Variants in ATP6V1H observed in about 807,000 individuals in gnomAD.
ATP6V1H encodes ATPase H+ transporting V1 subunit H.
A neutral mutation model predicts 71.7 loss-of-function variants in ATP6V1H; 39 were observed. That is an observed-to-expected ratio of 0.54 (90% CI 0.42 to 0.71). ATP6V1H has a LOEUF of 0.71. ATP6V1H is among the 30% of genes least tolerant of loss of function. The probability of loss-of-function intolerance (pLI) is 0.00; values close to 1 mark genes in which losing one functional copy is unlikely to be tolerated. For synonymous variants in ATP6V1H, 192 were observed against 199.3 expected (o/e 0.96, Z 0.31); for missense variants, 509 against 594.9 (o/e 0.86, Z 1.50).
At chr8:53,841,757 A>T in intron 1 of ATP6V1H, 32 bp from the exon 2 acceptor site, 2 of 1,571,856 alleles carry the variant, frequency 1.3e-6, no homozygotes, top group Non-Finnish European at 1.7e-6. Flanking sequence ...AAAACAGAAT[A>T]CGAGGTGTTT....
intron 9 of ATP6V1H, among the ~76,000 whole-genome samples, chr8:53,786,658 C>T (rs1809395272): frequency 6.6e-6 from 1 of 152,230 alleles, no homozygotes; most frequent in Non-Finnish European, 1.5e-5. Flanking sequence ...ATTGAGCCAT[C>T]TTGGCTCCAC....
At chr8:53,833,378 G>A (rs1346379742) in intron 2 of ATP6V1H, among the ~76,000 whole-genome samples, 2 of 152,132 alleles carry the variant, frequency 1.3e-5, no homozygotes, top group Non-Finnish European at 2.9e-5. Context: ...TTAGTAGCAT[G>A]TGGCAAATGG....
intron 9 of ATP6V1H, among the ~76,000 whole-genome samples, chr8:53,775,658 T>A (rs926565643): frequency 1.1e-4 from 14 of 131,958 alleles, no homozygotes; most frequent in Admixed American, 1.5e-4. Flanking sequence ...TTTACAAACC[T>A]TGAGCTAGAC....
Position 53,841,669 on chromosome 8 carries a change from C to A in ATP6V1H, c.22G>T (p.Gly8Cys). The change falls in exon 2 of 14, where the codon GGT becomes TGT. Residue 8 changes from glycine (G) to cysteine (C), a missense_variant. Physicochemically the swap from Gly to Cys is radical, Grantham distance 159. Coordinates refer to ENST00000359530, the MANE Select transcript of ATP6V1H (RefSeq NM_015941.4). Reference sequence around the variant, plus strand: ...GTGGGGACAGCAGCATCCACAGCACCTCGGATATCCATTTTGGTCATCTAA... The same window carrying A: ...GTGGGGACAGCAGCATCCACAGCACATCGGATATCCATTTTGGTCATCTAA... MTKMDIR[G>C]AVDAAVPTNI... 1 of 1,613,870 alleles carries A rather than the reference C, an allele frequency of 6.2e-7. No homozygotes were observed. The highest frequency in any genetic ancestry group is 8.5e-7 in the Non-Finnish European group (1 of 1,179,836).
chr8:53,819,425 C>T (rs1480732105), intron 4 of ATP6V1H, among the ~76,000 whole-genome samples: 2 of 147,922 alleles, frequency 1.4e-5, no homozygotes, highest in South Asian at 2.1e-4. Flanking sequence ...TCAGCTACTT[C>T]GGAAGCTGAG....
intron 9 of ATP6V1H, among the ~76,000 whole-genome samples, chr8:53,772,909 A>C (rs1468005801): frequency 6.6e-6 from 1 of 150,524 alleles, no homozygotes; most frequent in Non-Finnish European, 1.5e-5. Context: ...AATGCAAAAA[A>C]AAAAAAAAAA....
chr8:53,792,205 A>G (rs1047216110), intron 9 of ATP6V1H, among the ~76,000 whole-genome samples: 1 of 152,222 alleles, frequency 6.6e-6, no homozygotes, highest in Non-Finnish European at 1.5e-5. Context: ...GGAGAGAAGT[A>G]AGGAGGCTCC....
rs180675097 is a variant in ATP6V1H, at chr8:53,721,259, T to C, written c.1392-5235A>G. 2.3e-3 allele frequency among the ~76,000 whole-genome samples: 346 copies of C among 152,322 alleles called. 2 individuals carry two copies. The highest frequency in any genetic ancestry group is 8.1e-3 in the African/African-American group (335 of 41,584). On this transcript the variant is annotated intron_variant, in intron 13 of 13. Transcript: ENST00000359530. ...CATGATTTTGAACTCAAAGCAAACT[T>C]TGTTTTTATGAACTGAAAAAAAACA... is the stretch of plus-strand genomic sequence containing the variant.
chr8:53,776,676 C>A (rs4737192), intron 9 of ATP6V1H, among the ~76,000 whole-genome samples: 26,133 of 152,020 alleles, frequency 0.17, 3,698 homozygotes, highest in African/African-American at 0.37. Flanking sequence ...ATTAATAAGC[C>A]TATGAAGAAA....
At chr8:53,842,712 A>G (rs565832530) in intron 1 of ATP6V1H, 1 of 152,208 alleles carries the variant, frequency 6.6e-6, no homozygotes, top group Non-Finnish European at 1.5e-5. Context: ...GTCTCTAGAC[A>G]ATTACCTAAG....
intron 10 of ATP6V1H, among the ~76,000 whole-genome samples, chr8:53,771,745 T>C (rs568956435): frequency 3.9e-5 from 6 of 152,040 alleles, no homozygotes; most frequent in African/African-American, 1.4e-4. Flanking sequence ...CCTGAGGGAG[T>C]AAAGCCGGTC....
chr8:53,762,982 T>C (rs1354407462), intron 11 of ATP6V1H, among the ~76,000 whole-genome samples: 3 of 152,252 alleles, frequency 2.0e-5, no homozygotes, highest in Non-Finnish European at 2.9e-5. Flanking sequence ...CTCTTTCTTA[T>C]GATTTTCTTA....
Position 53,841,721 on chromosome 8 carries a change from C to G in ATP6V1H, c.-31G>C, listed in dbSNP as rs139361235. 3.6e-4 allele frequency: 584 copies of G among 1,606,410 alleles called. 4 individuals carry two copies. In the African/African-American group the frequency reaches 6.8e-3, roughly 19 times the overall value. ...CTTCGTAATCTTGAATGTCTTTCAACAAATCTTCAATTTTGATGCAAGGTA... is the reference window on the plus strand; with the variant it reads ...CTTCGTAATCTTGAATGTCTTTCAAGAAATCTTCAATTTTGATGCAAGGTA... On this transcript the variant is annotated 5_prime_UTR_variant, in exon 2 of 14. Transcript: ENST00000359530.
At chr8:53,786,428 C>T (rs2130382693) in intron 9 of ATP6V1H, among the ~76,000 whole-genome samples, 1 of 152,310 alleles carries the variant, frequency 6.6e-6, no homozygotes, top group South Asian at 2.1e-4. Context: ...TTTCCAGGTG[C>T]CGTCTGTCAC....
intron 12 of ATP6V1H, among the ~76,000 whole-genome samples, chr8:53,744,547 C>T (rs936773652): frequency 1.3e-5 from 2 of 152,142 alleles, no homozygotes; most frequent in South Asian, 2.1e-4. Context: ...CAGTGACAAG[C>T]GGCACCTTAA....
At chr8:53,790,788 G>A (rs1563468498) in intron 9 of ATP6V1H, among the ~76,000 whole-genome samples, 5 of 152,156 alleles carry the variant, frequency 3.3e-5, no homozygotes, top group South Asian at 2.1e-4. Context: ...AGTGCCTATC[G>A]TAATTCATCC....
At chr8:53,807,560 T>G (rs1206039767) in intron 7 of ATP6V1H, among the ~76,000 whole-genome samples, 1 of 152,104 alleles carries the variant, frequency 6.6e-6, no homozygotes, top group African/African-American at 2.4e-5. Context: ...CAGAAGACCA[T>G]GTATGATTTC....
intron 13 of ATP6V1H, among the ~76,000 whole-genome samples, chr8:53,719,335 T>C (rs1046096116): frequency 6.6e-6 from 1 of 152,016 alleles, no homozygotes; most frequent in Non-Finnish European, 1.5e-5. Context: ...CACGCTCGGC[T>C]AATTTTTGTA....
At chr8:53,767,689 A>G (rs1295335907) in intron 11 of ATP6V1H, among the ~76,000 whole-genome samples, 2 of 152,218 alleles carry the variant, frequency 1.3e-5, no homozygotes, top group African/African-American at 4.8e-5. Context: ...GATTTTCCAC[A>G]AGGATGCCAA....
Sources: allele counts gnomAD v4.1 joint callset (sites outside exome capture counted in the v4.1 genomes callset), GRCh38; gene constraint gnomAD v4.1.1; transcripts MANE v1.5; gene names NCBI Gene and HGNC (gene_info 2026-07-23, HGNC 2026-07-21).